Variants in OTUD7A observed in about 807,000 individuals in gnomAD.
The protein encoded by OTUD7A is OTU deubiquitinase 7A.
A neutral mutation model predicts 65.7 loss-of-function variants in OTUD7A; 12 were observed. That is an observed-to-expected ratio of 0.18 (90% CI 0.12 to 0.30). OTUD7A has a LOEUF of 0.30. Among genes scored for constraint, OTUD7A ranks in the 10% least tolerant of loss-of-function variants. The probability of loss-of-function intolerance (pLI) is 1.00; values close to 1 mark genes in which losing one functional copy is unlikely to be tolerated. For synonymous variants in OTUD7A, 641 were observed against 586.3 expected (o/e 1.09, Z -1.35); for missense variants, 1,148 against 1,304.8 (o/e 0.88, Z 1.85).
At chr15:31,727,471 A>G (rs757889283) in intron 1 of OTUD7A, among the ~76,000 whole-genome samples, 1 of 152,080 alleles carries the variant, frequency 6.6e-6, no homozygotes, top group Non-Finnish European at 1.5e-5. Context: ...GGTATTTTAG[A>G]ATTATTTTGT....
At chr15:31,621,102 A>T (rs924954304) in intron 3 of OTUD7A, among the ~76,000 whole-genome samples, 32 of 151,226 alleles carry the variant, frequency 2.1e-4, no homozygotes, top group Admixed American at 3.3e-4. Context: ...AGTCCTGAGT[A>T]CTAGTTTGAT....
intron 1 of OTUD7A, among the ~76,000 whole-genome samples, chr15:31,758,384 C>T (rs1029832760): frequency 6.6e-6 from 1 of 152,210 alleles, no homozygotes; most frequent in African/African-American, 2.4e-5. Context: ...TTCAGCTGGT[C>T]TCATTCTACT....
chr15:31,822,048 C>T (rs928166540), intron 1 of OTUD7A, among the ~76,000 whole-genome samples: 3 of 152,236 alleles, frequency 2.0e-5, no homozygotes, highest in African/African-American at 7.2e-5. Context: ...TTCTCCCATT[C>T]TATGGACTGT....
chr15:31,644,554 T>C (rs1891608961), intron 3 of OTUD7A, among the ~76,000 whole-genome samples: 2 of 152,178 alleles, frequency 1.3e-5, no homozygotes, highest in Admixed American at 1.3e-4. Context: ...TAGCTCACCA[T>C]AACCTCGAAC....
intron 3 of OTUD7A, among the ~76,000 whole-genome samples, chr15:31,596,151 G>A (rs979962650): frequency 1.3e-5 from 2 of 152,222 alleles, no homozygotes; most frequent in Middle Eastern, 3.4e-3. Flanking sequence ...TGAATGTCAG[G>A]GAACAGGAAT....
At chr15:31,530,484 G>A (rs867295287) in intron 6 of OTUD7A, among the ~76,000 whole-genome samples, 2 of 152,094 alleles carry the variant, frequency 1.3e-5, no homozygotes, top group South Asian at 2.1e-4. Flanking sequence ...CTTCTATCAC[G>A]CCAGGTCTTT....
chr15:31,849,110 G>C (rs1897358542), intron 1 of OTUD7A, among the ~76,000 whole-genome samples: 2 of 152,158 alleles, frequency 1.3e-5, no homozygotes, highest in Admixed American at 1.3e-4. Context: ...CCCTTTGTGG[G>C]TAACCCGACC....
intron 3 of OTUD7A, among the ~76,000 whole-genome samples, chr15:31,612,377 T>C (rs1200942029): frequency 6.6e-6 from 1 of 152,174 alleles, no homozygotes; most frequent in Admixed American, 6.5e-5. Context: ...GCTAACAATA[T>C]GATTGTTTAC....
intron 1 of OTUD7A, among the ~76,000 whole-genome samples, chr15:31,686,685 G>T (rs1371466131): frequency 2.0e-5 from 3 of 152,240 alleles, no homozygotes; most frequent in African/African-American, 7.2e-5. Flanking sequence ...CCCACCAGAA[G>T]AGTCCTCCGG....
chr15:31,816,302 A>C (rs999551075), intron 1 of OTUD7A, among the ~76,000 whole-genome samples: 1 of 152,170 alleles, frequency 6.6e-6, no homozygotes, highest in African/African-American at 2.4e-5. Context: ...TTCTTCACAA[A>C]ACCAGAAAAG....
At chr15:31,813,736 T>C (rs1288425715) in intron 1 of OTUD7A, among the ~76,000 whole-genome samples, 1 of 152,222 alleles carries the variant, frequency 6.6e-6, no homozygotes, top group African/African-American at 2.4e-5. Flanking sequence ...TCATGAAACA[T>C]AACTTGGGAA....
chr15:31,808,136 C>CACACAAAAAAAAAA (rs772574742), intron 1 of OTUD7A, among the ~76,000 whole-genome samples: 151 of 119,464 alleles, frequency 1.3e-3, no homozygotes, highest in African/African-American at 3.8e-3. Context: ...CACACACACA[C>CACACAAAAAAAAAA]AAACAAATCC....
At chr15:31,587,805 G>A (rs1396442276) in intron 3 of OTUD7A, among the ~76,000 whole-genome samples, 1 of 151,952 alleles carries the variant, frequency 6.6e-6, no homozygotes, top group Non-Finnish European at 1.5e-5. Flanking sequence ...TCCCTCTTTG[G>A]GCTCCAGCCA....
intron 5 of OTUD7A, chr15:31,557,099 T>C (rs982400973): frequency 7.9e-5 from 12 of 152,218 alleles, no homozygotes; most frequent in Non-Finnish European, 5.9e-5. Context: ...TGTTCTAATG[T>C]CAAGCATGCC....
In OTUD7A at chr15:31,717,390, C is replaced by T. The variant is rs57745410; in HGVS notation, c.-99-60313G>A. Among the ~76,000 whole-genome samples the T allele has an allele frequency of 5.2e-3, 784 of 152,196 alleles. 6 individuals carry two copies. The highest frequency in any genetic ancestry group is 0.017 in the African/African-American group (696 of 41,494). ...TTTCTCCTAATGTTATCCCTCCCCT[C>T]GCCCCCCAGTTCCCAACAGGCCCCA... is the stretch of plus-strand genomic sequence containing the variant. On this transcript the variant is annotated intron_variant, in intron 1 of 12. Coordinates refer to ENST00000307050, the MANE Select transcript of OTUD7A (RefSeq NM_001382637.1).
At chr15:31,760,933 T>C (rs965854808) in intron 1 of OTUD7A, among the ~76,000 whole-genome samples, 1 of 152,130 alleles carries the variant, frequency 6.6e-6, no homozygotes, top group Non-Finnish European at 1.5e-5. Context: ...TTTTTGTTTT[T>C]TTGTTTTTTT....
chr15:31,556,709 G>A (rs548358040), intron 5 of OTUD7A: 1 of 152,342 alleles, frequency 6.6e-6, no homozygotes, highest in South Asian at 2.1e-4. Context: ...GATCACCCAA[G>A]CTATTAGCAA....
chr15:31,688,012 T>C (rs1404331258), intron 1 of OTUD7A, among the ~76,000 whole-genome samples: 3 of 152,132 alleles, frequency 2.0e-5, no homozygotes, highest in Non-Finnish European at 2.9e-5. Context: ...GGTCAAGAGA[T>C]TGAGACCATC....
intron 1 of OTUD7A, among the ~76,000 whole-genome samples, chr15:31,658,496 T>C (rs1892057770): frequency 6.6e-6 from 1 of 152,176 alleles, no homozygotes; most frequent in African/African-American, 2.4e-5. Context: ...TTCATGGAGC[T>C]GCTACTCTGT....
Sources: gnomAD v4.1 joint callset for allele counts (sites outside exome capture counted in the v4.1 genomes callset) on GRCh38, gnomAD v4.1.1 for gene constraint, MANE v1.5 for transcripts, NCBI Gene and HGNC (gene_info 2026-07-23, HGNC 2026-07-21) for gene names.